GNAQ: variants seen among roughly 807,000 people sequenced by gnomAD.
The protein encoded by GNAQ is guanine nucleotide-binding protein G(q) subunit alpha.
In GNAQ, 8 loss-of-function variants were observed where a neutral mutation model predicts 43.9. The observed-to-expected ratio is 0.18, with a 90% CI of 0.11 to 0.33. The LOEUF is 0.33. Among genes scored for constraint, GNAQ ranks in the 10% least tolerant of loss-of-function variants. The pLI is 1.00. For missense variants in GNAQ, 158 were observed against 450.8 expected (o/e 0.35, Z 5.88); for synonymous variants, 155 against 170.7 (o/e 0.91, Z 0.71).
At chr9:77,839,287 A>T (rs886912259) in intron 2 of GNAQ, among the ~76,000 whole-genome samples, 2 of 152,220 alleles carry the variant, frequency 1.3e-5, no homozygotes, top group African/African-American at 4.8e-5. Flanking sequence ...ATGGCCATTC[A>T]AAAACTACTT....
intron 5 of GNAQ, among the ~76,000 whole-genome samples, chr9:77,742,150 A>G (rs1310390471): frequency 6.6e-6 from 1 of 152,158 alleles, no homozygotes; most frequent in Non-Finnish European, 1.5e-5. Flanking sequence ...AGGTACAACA[A>G]ATTCACTCAA....
chr9:77,990,105 T>G (rs193037878), intron 1 of GNAQ, among the ~76,000 whole-genome samples: 1 of 152,348 alleles, frequency 6.6e-6, no homozygotes, highest in Non-Finnish European at 1.5e-5. Context: ...ATAGTATTCT[T>G]GATAAGAAGA....
intron 2 of GNAQ, among the ~76,000 whole-genome samples, chr9:77,905,676 G>A (rs1314662286): frequency 6.6e-6 from 1 of 152,148 alleles, no homozygotes; most frequent in East Asian, 1.9e-4. Context: ...AGCTGTCAAT[G>A]CCATTAAATA....
chr9:77,718,734 T>TC lies in GNAQ; in HGVS notation c.*2588_*2589insG, dbSNP rs1825263776. On this transcript the variant is annotated 3_prime_UTR_variant, in exon 7 of 7. Transcript: ENST00000286548. ...TCAAATGTTGTTGTTTAATTTTTTT[T>TC]TTTTTTTTTTTTTTTTTTGCTGCAC... 4.6e-6 allele frequency: 1 copy of TC among 218,520 alleles called. No individual in the cohort carries two copies. The highest frequency in any genetic ancestry group is 2.3e-5 in the African/African-American group (1 of 42,894). 13.5% of individuals were successfully genotyped at this position (218,520 alleles called of 1,614,324 possible).
intron 2 of GNAQ, among the ~76,000 whole-genome samples, chr9:77,881,969 C>T (rs1828215243): frequency 6.6e-6 from 1 of 152,140 alleles, no homozygotes. Flanking sequence ...GAAACCCCAT[C>T]TCTACTAAAA....
intron 1 of GNAQ, among the ~76,000 whole-genome samples, chr9:77,938,748 C>A (rs757112513): frequency 1.3e-5 from 2 of 152,162 alleles, no homozygotes; most frequent in African/African-American, 4.8e-5. Flanking sequence ...AGCTGATAGG[C>A]CACTTTTAGC....
At chr9:77,787,627 A>C (rs1826502508) in intron 5 of GNAQ, among the ~76,000 whole-genome samples, 1 of 152,262 alleles carries the variant, frequency 6.6e-6, no homozygotes, top group Non-Finnish European at 1.5e-5. Flanking sequence ...ATTTTACTAG[A>C]AAATAAGAGA....
intron 3 of GNAQ, 127 bp downstream of exon 3, chr9:77,815,489 C>A (rs1025043496): frequency 1.7e-6 from 1 of 575,532 alleles, no homozygotes; most frequent in South Asian, 2.9e-5. Flanking sequence ...TATCTATATT[C>A]CCTAACTTTT....
rs547672512 is a variant in GNAQ, at chr9:77,797,464, C to T, written c.605+56G>A. 1.1e-5 allele frequency: 15 copies of T among 1,369,062 alleles called. No homozygotes were observed. The South Asian group carries it at 1.6e-4, about 15-fold the overall frequency. The allele number at this position is 1,369,062 out of a possible 1,614,324, so 84.8% of individuals were successfully genotyped here. ...TGATTCCAGTATTTATAGAGTTTAC[C>T]AAATGTACTCAAGGCATAAAAGCTG... On this transcript the variant is annotated intron_variant, in intron 4 of 6. Transcript: ENST00000286548.
At chr9:77,790,768 G>A (rs188577097) in intron 5 of GNAQ, among the ~76,000 whole-genome samples, 1 of 152,190 alleles carries the variant, frequency 6.6e-6, no homozygotes, top group Non-Finnish European at 1.5e-5. Context: ...GGAAGGGCAG[G>A]GGACCTGGCC....
intron 2 of GNAQ, among the ~76,000 whole-genome samples, chr9:77,887,493 A>G (rs1351509777): frequency 6.6e-6 from 1 of 152,160 alleles, no homozygotes; most frequent in Non-Finnish European, 1.5e-5. Context: ...TACTCCATAC[A>G]TTTCTATCTC....
intron 2 of GNAQ, among the ~76,000 whole-genome samples, chr9:77,912,631 C>T (rs1232982015): frequency 2.0e-5 from 3 of 152,092 alleles, no homozygotes; most frequent in Non-Finnish European, 2.9e-5. Context: ...ATCTGTAAGC[C>T]ATTTACTCAA....
intron 1 of GNAQ, among the ~76,000 whole-genome samples, chr9:77,964,556 A>C (rs562308609): frequency 2.0e-5 from 3 of 152,184 alleles, no homozygotes; most frequent in Non-Finnish European, 2.9e-5. Context: ...ACCAGTCTCA[A>C]TAAATTTTAG....
chr9:77,999,542 G>A (rs1823618196), intron 1 of GNAQ, among the ~76,000 whole-genome samples: 1 of 152,176 alleles, frequency 6.6e-6, no homozygotes, highest in Admixed American at 6.5e-5. Flanking sequence ...ATCTGCACAA[G>A]AACTAAGGAA....
chr9:77,823,673 G>C (rs1304019606), intron 2 of GNAQ, among the ~76,000 whole-genome samples: 1 of 152,144 alleles, frequency 6.6e-6, no homozygotes, highest in Admixed American at 6.5e-5. Context: ...TGGTAGAGCA[G>C]GAGAGACAGA....
At chr9:77,747,047 CT>C (rs1217026912) in intron 5 of GNAQ, among the ~76,000 whole-genome samples, 1 of 151,874 alleles carries the variant, frequency 6.6e-6, no homozygotes, top group Admixed American at 6.6e-5. Context: ...AAATACAGTT[CT>C]GGGAAGAAGA....
chr9:77,874,325 C>A (rs1425806629), intron 2 of GNAQ, among the ~76,000 whole-genome samples: 1 of 152,064 alleles, frequency 6.6e-6, no homozygotes, highest in African/African-American at 2.4e-5. Context: ...AAACCTCCTA[C>A]CTATTTCTGG....
At chr9:77,735,948 C>CTATCCT (rs1446280468) in intron 5 of GNAQ, among the ~76,000 whole-genome samples, 1 of 152,174 alleles carries the variant, frequency 6.6e-6, no homozygotes. Context: ...GACAATGCAT[C>CTATCCT]CAAGCCCCTA....
chr9:77,888,916 T>C (rs1338089890), intron 2 of GNAQ, among the ~76,000 whole-genome samples: 2 of 152,170 alleles, frequency 1.3e-5, no homozygotes, highest in African/African-American at 2.4e-5. Flanking sequence ...ATTTTCAGCA[T>C]GACATTTAGA....
Sources: allele counts gnomAD v4.1 joint callset (sites outside exome capture counted in the v4.1 genomes callset), GRCh38; gene constraint gnomAD v4.1.1; transcripts MANE v1.5; gene names NCBI Gene and HGNC (gene_info 2026-07-23, HGNC 2026-07-21).